PPFIA2: variants seen among roughly 807,000 people sequenced by gnomAD.
PPFIA2 encodes the protein liprin-alpha-2.
In PPFIA2, 46 loss-of-function variants were observed where a neutral mutation model predicts 175.5. The observed-to-expected ratio is 0.26, with a 90% confidence interval of 0.21 to 0.34. The LOEUF is 0.34. Among genes scored for constraint, PPFIA2 ranks in the 10% least tolerant of loss-of-function variants. The pLI is 1.00. For synonymous variants in PPFIA2, 568 were observed against 511.4 expected (o/e 1.11, Z -1.49); for missense variants, 1,179 against 1,506.1 (o/e 0.78, Z 3.60).
intron 22 of PPFIA2, among the ~76,000 whole-genome samples, chr12:81,318,121 T>G (rs1184017180): frequency 6.6e-6 from 1 of 151,712 alleles, no homozygotes; most frequent in Admixed American, 6.6e-5. Flanking sequence ...GTTCATTCTG[T>G]TGGCAGCATC....
rs2042072759 is a variant in PPFIA2, at chr12:81,281,468, C to A, written c.3019-18G>T. 1.9e-6 allele frequency: 3 copies of A among 1,542,052 alleles called. No individual in the cohort carries two copies. The highest frequency in any genetic ancestry group is 2.7e-6 in the Non-Finnish European group (3 of 1,125,252). Reference sequence around the variant, plus strand: ...ACCGGACACTAGAATTGTTTTATAGCAGTCAAGTTTCTTAACCAATCAGAT... The same window carrying A: ...ACCGGACACTAGAATTGTTTTATAGAAGTCAAGTTTCTTAACCAATCAGAT... On this transcript the variant is annotated intron_variant, in intron 26 of 32. Coordinates refer to ENST00000549396, the MANE Select transcript of PPFIA2 (RefSeq NM_003625.5).
At chr12:81,369,773 A>C (rs2034585175) in intron 11 of PPFIA2, among the ~76,000 whole-genome samples, 1 of 151,724 alleles carries the variant, frequency 6.6e-6, no homozygotes, top group African/African-American at 2.4e-5. Flanking sequence ...ACTGACACCA[A>C]ACAGAACATA....
At chr12:81,508,299 A>T (rs1020342556) in intron 4 of PPFIA2, among the ~76,000 whole-genome samples, 4 of 151,992 alleles carry the variant, frequency 2.6e-5, no homozygotes, top group Non-Finnish European at 4.4e-5. Flanking sequence ...AGGTGGGTGG[A>T]TCACCTGAGG....
At chr12:81,729,998 A>AT (rs768597511) in intron 3 of PPFIA2, among the ~76,000 whole-genome samples, 2 of 151,558 alleles carry the variant, frequency 1.3e-5, no homozygotes, top group Non-Finnish European at 3.0e-5. Flanking sequence ...TGACACCTTA[A>AT]TTTTAGCTCT....
chr12:81,534,500 T>C (rs997239358), intron 4 of PPFIA2, among the ~76,000 whole-genome samples: 1 of 151,702 alleles, frequency 6.6e-6, no homozygotes, highest in African/African-American at 2.4e-5. Context: ...TGAAACTCTA[T>C]TAATGCATTT....
At chr12:81,537,186 C>A (rs905459048) in intron 4 of PPFIA2, among the ~76,000 whole-genome samples, 1 of 151,624 alleles carries the variant, frequency 6.6e-6, no homozygotes, top group African/African-American at 2.4e-5. Context: ...AACCAGGCAA[C>A]AGAAGATAAT....
At chr12:81,392,520 C>A (rs867387016) in intron 8 of PPFIA2, among the ~76,000 whole-genome samples, 1 of 151,850 alleles carries the variant, frequency 6.6e-6, no homozygotes, top group African/African-American at 2.4e-5. Context: ...TGACTAATAA[C>A]GTCTTTGTAG....
At chr12:81,731,760 C>T (rs2080942724) in intron 3 of PPFIA2, among the ~76,000 whole-genome samples, 1 of 151,554 alleles carries the variant, frequency 6.6e-6, no homozygotes, top group Admixed American at 6.6e-5. Flanking sequence ...CCCTCTATGT[C>T]AGTTTCCTTA....
chr12:81,479,764 CAG>C (rs1157094505), intron 4 of PPFIA2, among the ~76,000 whole-genome samples: 1 of 151,150 alleles, frequency 6.6e-6, no homozygotes, highest in Non-Finnish European at 1.5e-5. Flanking sequence ...CACTCTTCTG[CAG>C]AGAGATCCGT....
chr12:81,316,625 G>C (rs752084588), intron 22 of PPFIA2, among the ~76,000 whole-genome samples: 5 of 151,528 alleles, frequency 3.3e-5, no homozygotes. Flanking sequence ...TACATCTCGT[G>C]TTTTGAAATC....
intron 3 of PPFIA2, among the ~76,000 whole-genome samples, chr12:81,731,247 A>C (rs1412861137): frequency 6.6e-6 from 1 of 151,646 alleles, no homozygotes; most frequent in Non-Finnish European, 1.5e-5. Flanking sequence ...CTCAGCAGTT[A>C]AAGGAAGGCT....
At chr12:81,590,092 G>A (rs1294465557) in intron 4 of PPFIA2, among the ~76,000 whole-genome samples, 1 of 152,064 alleles carries the variant, frequency 6.6e-6, no homozygotes. Flanking sequence ...ATATAATTGG[G>A]TGACAGAGCA....
chr12:81,506,264 C>A (rs1351445157), intron 4 of PPFIA2, among the ~76,000 whole-genome samples: 3 of 152,126 alleles, frequency 2.0e-5, no homozygotes, highest in Admixed American at 6.6e-5. Flanking sequence ...TACTTCTTTT[C>A]TTTCTTGTCT....
chr12:81,498,976 G>A (rs1387092544), intron 4 of PPFIA2, among the ~76,000 whole-genome samples: 1 of 152,154 alleles, frequency 6.6e-6, no homozygotes. Flanking sequence ...GTAAAGAAAA[G>A]AACTGTGCAT....
intron 3 of PPFIA2, among the ~76,000 whole-genome samples, chr12:81,729,093 A>T (rs1269996422): frequency 6.6e-6 from 1 of 151,554 alleles, no homozygotes; most frequent in Non-Finnish European, 1.5e-5. Flanking sequence ...TGACCAAAAA[A>T]CTGTTAATAA....
chr12:81,645,820 C>T (rs1267632859), intron 4 of PPFIA2, among the ~76,000 whole-genome samples: 1 of 152,184 alleles, frequency 6.6e-6, no homozygotes, highest in Non-Finnish European at 1.5e-5. Flanking sequence ...CCTGAGGGCA[C>T]CATTCCAAGG....
chr12:81,442,170 T>C (rs1009830604), intron 6 of PPFIA2, among the ~76,000 whole-genome samples: 6 of 152,114 alleles, frequency 3.9e-5, no homozygotes, highest in Non-Finnish European at 7.4e-5. Flanking sequence ...TAATCATCTT[T>C]CATATATTTA....
intron 4 of PPFIA2, among the ~76,000 whole-genome samples, chr12:81,537,169 G>C (rs1469844755): frequency 6.6e-6 from 1 of 151,690 alleles, no homozygotes; most frequent in Non-Finnish European, 1.5e-5. Flanking sequence ...TGGAACACTT[G>C]TAGAGAAACC....
At chr12:81,566,826 C>T (rs751081801) in intron 4 of PPFIA2, among the ~76,000 whole-genome samples, 1 of 152,180 alleles carries the variant, frequency 6.6e-6, no homozygotes, top group Non-Finnish European at 1.5e-5. Context: ...TGCCATTCCA[C>T]TTACTACATA....
Sources: allele counts gnomAD v4.1 joint callset (sites outside exome capture counted in the v4.1 genomes callset), GRCh38; gene constraint gnomAD v4.1.1; transcripts MANE v1.5; gene names NCBI Gene and HGNC (gene_info 2026-07-23, HGNC 2026-07-21).